The following CFAP43 variants were observed in gnomAD, a reference collection of about 807,000 sequenced individuals.
CFAP43 encodes cilia- and flagella-associated protein 43.
A neutral mutation model predicts 218.9 loss-of-function variants in CFAP43; 155 were observed. The observed-to-expected ratio is 0.71, with a 90% CI of 0.62 to 0.81. The LOEUF (loss-of-function observed/expected upper bound fraction) is 0.81. CFAP43 is among the 30% of genes least tolerant of loss of function. CFAP43 has a pLI of 0.00. For synonymous variants in CFAP43, 645 were observed against 681.3 expected (o/e 0.95, Z 0.83); for missense variants, 1,778 against 1,954.3 (o/e 0.91, Z 1.70).
intron 24 of CFAP43, among the ~76,000 whole-genome samples, chr10:104,163,314 ACCACGAATGGTGC>A (rs1340727282): frequency 2.6e-5 from 4 of 152,320 alleles, no homozygotes; most frequent in South Asian, 4.1e-4. Context: ...CATCTAGGGC[ACCACGAATGGTGC>A]CCAGCCAATA....
chr10:104,148,673 C>T (rs1167353126), intron 28 of CFAP43, among the ~76,000 whole-genome samples: 1 of 152,188 alleles, frequency 6.6e-6, no homozygotes, highest in African/African-American at 2.4e-5. Flanking sequence ...TTCTGCACAC[C>T]CCAGCTCCCC....
intron 36 of CFAP43, 49 bp downstream of exon 36, chr10:104,132,067 A>G (rs1035824980): frequency 1.4e-6 from 2 of 1,385,152 alleles, no homozygotes; most frequent in African/African-American, 1.5e-5. Context: ...ACTTTGCTCA[A>G]ATGATTTACA....
intron 25 of CFAP43, 43 bp downstream of exon 25, chr10:104,162,274 A>G (rs2088916676): frequency 6.4e-7 from 1 of 1,560,146 alleles, no homozygotes. Context: ...GTATCCCTAA[A>G]GCAAAGAGGG....
In CFAP43 at chr10:104,193,899, G is replaced by C. The variant is rs770942076; in HGVS notation, c.1409C>G (p.Ala470Gly). Residue 470 changes from alanine to glycine, a missense_variant, in exon 11 of 38, where the codon GCC (alanine) becomes GGC (glycine). This residue lies in a region of CFAP43 where 1,553 missense variants were observed against 1,685.2 expected (regional missense o/e 0.92). Transcript: ENST00000357060. The part of the protein sequence containing the change: ...DKESPQVVHK[A>G]FLSESSVQHV... ...CTGCACGGACGATTCCGAGAGAAAG[G>C]CCTTGTGCACGACCTGAGGGGATTC... 2 of 1,614,128 alleles carry C rather than the reference G, an allele frequency of 1.2e-6. No homozygotes were observed. Among genetic ancestry groups the C allele is most frequent in the Non-Finnish European group, 8.5e-7 (1 of 1,180,006 alleles).
chr10:104,169,072 T>C (rs1002955741), intron 20 of CFAP43, among the ~76,000 whole-genome samples: 2 of 140,006 alleles, frequency 1.4e-5, no homozygotes, highest in South Asian at 2.3e-4. Flanking sequence ...TGGATTCTCT[T>C]CCTTGAGGAC....
At chr10:104,193,474 G>A (rs1340551000) in intron 11 of CFAP43, 1 of 159,504 alleles carries the variant, frequency 6.3e-6, no homozygotes, top group Non-Finnish European at 1.4e-5. Flanking sequence ...AAATCCTTGT[G>A]CCTTATCTTC....
chr10:104,220,211 C>T (rs187837604), intron 3 of CFAP43, among the ~76,000 whole-genome samples: 9 of 152,218 alleles, frequency 5.9e-5, no homozygotes, highest in Non-Finnish European at 1.0e-4. Context: ...GTGAGAGGCG[C>T]GGGGGCAGAT....
At chr10:104,232,059 GGGAAGA>G in intron 1 of CFAP43, 117 bp downstream of exon 1, 1 of 1,101,832 alleles carries the variant, frequency 9.1e-7, no homozygotes, top group South Asian at 1.5e-5. Flanking sequence ...GGGGGCAGAG[GGGAAGA>G]GGTCGAAGCT....
At position 104,213,660 on chromosome 10, in the gene CFAP43, C is replaced by T. The variant is rs181906844; in HGVS notation, c.584+599G>A. 2.6e-3 allele frequency among the ~76,000 whole-genome samples: 390 copies of T among 152,194 alleles called. 1 individual carries two copies. Among genetic ancestry groups the T allele is most frequent in the South Asian group, 0.014 (66 of 4,826 alleles). On this transcript the variant is annotated intron_variant, in intron 4 of 37. Coordinates refer to ENST00000357060, the MANE Select transcript of CFAP43 (RefSeq NM_025145.7). ...AAGTGATTCTCCTGTCTCAGCCTCC[C>T]GAGTAGCTGGGACTACAAGCATGCG...
At chr10:104,181,485 G>A (rs1009542875) in intron 17 of CFAP43, among the ~76,000 whole-genome samples, 46 of 152,134 alleles carry the variant, frequency 3.0e-4, no homozygotes, top group Admixed American at 2.0e-3. Context: ...ACTATACCTT[G>A]TTAATCCTGT....
intron 20 of CFAP43, among the ~76,000 whole-genome samples, chr10:104,169,125 G>A (rs1449918784): frequency 2.0e-5 from 3 of 152,200 alleles, no homozygotes. Flanking sequence ...TTGCATACAC[G>A]AGTGAAGTGG....
chr10:104,204,715 G>A (rs1259006358), intron 7 of CFAP43, among the ~76,000 whole-genome samples: 3 of 152,122 alleles, frequency 2.0e-5, no homozygotes, highest in Non-Finnish European at 4.4e-5. Flanking sequence ...CTAAGTGTAG[G>A]TGTATGTGCT....
chr10:104,223,516 A>G (rs2091236232), intron 3 of CFAP43, among the ~76,000 whole-genome samples: 1 of 152,224 alleles, frequency 6.6e-6, no homozygotes, highest in African/African-American at 2.4e-5. Context: ...TAATTTGTGG[A>G]GCCAGGATTC....
intron 36 of CFAP43, 35 bp downstream of exon 36, chr10:104,132,081 G>A (rs1387814585): frequency 6.9e-7 from 1 of 1,459,094 alleles, no homozygotes; most frequent in Non-Finnish European, 9.4e-7. Context: ...ATTTACAACT[G>A]TTAGGATATA....
At chr10:104,169,945 T>C (rs2089337779) in intron 20 of CFAP43, among the ~76,000 whole-genome samples, 1 of 152,094 alleles carries the variant, frequency 6.6e-6, no homozygotes. Flanking sequence ...TGTGTCCAGA[T>C]TGTCATTATC....
intron 3 of CFAP43, among the ~76,000 whole-genome samples, chr10:104,224,342 C>G (rs895180963): frequency 4.6e-5 from 7 of 151,750 alleles, no homozygotes; most frequent in African/African-American, 1.7e-4. Context: ...AGCGCCTGGC[C>G]GATGGATGTA....
chr10:104,140,040 C>G (rs1268819191), intron 34 of CFAP43, among the ~76,000 whole-genome samples: 1 of 151,872 alleles, frequency 6.6e-6, no homozygotes, highest in African/African-American at 2.4e-5. Context: ...GAAGTCACAA[C>G]AGAAATTAGA....
At chr10:104,186,832 G>C (rs1378519514) in intron 14 of CFAP43, among the ~76,000 whole-genome samples, 1 of 152,174 alleles carries the variant, frequency 6.6e-6, no homozygotes, top group African/African-American at 2.4e-5. Context: ...AGGTCAAGGG[G>C]CAGCAAGCAG....
rs139852616 is a variant in CFAP43, at chr10:104,155,215, G to A, written c.3541-2489C>T. Among the ~76,000 whole-genome samples the A allele has an allele frequency of 3.9e-3, 590 of 152,296 alleles. 4 individuals carry two copies. The highest frequency in any genetic ancestry group is 0.013 in the African/African-American group (534 of 41,556). On this transcript the variant is annotated intron_variant, in intron 27 of 37. Coordinates refer to ENST00000357060, the MANE Select transcript of CFAP43 (RefSeq NM_025145.7). ...ATCAGCCGGTCACTGGCTGCCCTGG[G>A]TGAGGGTAGTGGTGTAAACTTGGCG...
Sources: allele counts gnomAD v4.1 joint callset (sites outside exome capture counted in the v4.1 genomes callset), GRCh38; gene constraint gnomAD v4.1.1; regional missense constraint gnomAD v4.1.1; transcripts MANE v1.5; gene names NCBI Gene and HGNC (gene_info 2026-07-23, HGNC 2026-07-21).